The following WFDC11 variants were observed in gnomAD, a reference collection of about 807,000 sequenced individuals.
WFDC11 encodes protein WFDC11.
Under a neutral mutation model 9.9 loss-of-function variants are expected in WFDC11, and 9 were observed. That is an observed-to-expected ratio of 0.91 (90% CI 0.55 to 1.58). The LOEUF (loss-of-function observed/expected upper bound fraction) is 1.58. Among genes scored for constraint, WFDC11 ranks in the 40% most tolerant of loss-of-function variants. The probability of loss-of-function intolerance (pLI) is 0.00; values close to 1 mark genes in which losing one functional copy is unlikely to be tolerated. For synonymous variants in WFDC11, 32 were observed against 33.3 expected (o/e 0.96, Z 0.13); for missense variants, 106 against 101.7 (o/e 1.04, Z -0.18).
chr20:45,656,608 C>T (rs1982938364), intron 2 of WFDC11, among the ~76,000 whole-genome samples: 1 of 151,690 alleles, frequency 6.6e-6, no homozygotes, highest in African/African-American at 2.4e-5. Context: ...ATCTAAAGAG[C>T]TTCTGCACAG....
At chr20:45,653,403 T>A (rs1057162174) in intron 2 of WFDC11, among the ~76,000 whole-genome samples, 1 of 152,044 alleles carries the variant, frequency 6.6e-6, no homozygotes, top group African/African-American at 2.4e-5. Flanking sequence ...CCACCAGGCC[T>A]GCCCTACAAG....
intron 2 of WFDC11, among the ~76,000 whole-genome samples, chr20:45,653,757 C>CA (rs1568661607): frequency 6.6e-6 from 1 of 151,736 alleles, no homozygotes; most frequent in African/African-American, 2.4e-5. Flanking sequence ...AAATGGAAAA[C>CA]AAAAAAAGTC....
At chr20:45,667,896 T>C (rs1983219491) in intron 1 of WFDC11, among the ~76,000 whole-genome samples, 1 of 152,226 alleles carries the variant, frequency 6.6e-6, no homozygotes, top group Non-Finnish European at 1.5e-5. Flanking sequence ...GTGTTCAGAA[T>C]CACCCAGTTG....
At chr20:45,649,148 TG>T (rs1326740819) in intron 4 of WFDC11, 108 bp downstream of exon 4, 5 of 1,336,246 alleles carry the variant, frequency 3.7e-6, no homozygotes, top group Non-Finnish European at 5.2e-6. Flanking sequence ...CTGTTATTTT[TG>T]TACCTAGAAT....
chr20:45,656,165 G>GC (rs1319352564), intron 2 of WFDC11, among the ~76,000 whole-genome samples: 1 of 151,956 alleles, frequency 6.6e-6, no homozygotes, highest in African/African-American at 2.4e-5. Context: ...GAGGCATCAC[G>GC]TTACCTGACT....
At chr20:45,658,856 T>G (rs1376014231) in intron 2 of WFDC11, among the ~76,000 whole-genome samples, 2 of 152,194 alleles carry the variant, frequency 1.3e-5, no homozygotes, top group African/African-American at 4.8e-5. Context: ...TTTCTCCTAA[T>G]GCTATCCCTC....
chr20:45,665,062 T>C (rs1983158870), intron 2 of WFDC11, among the ~76,000 whole-genome samples: 1 of 152,194 alleles, frequency 6.6e-6, no homozygotes, highest in Non-Finnish European at 1.5e-5. Flanking sequence ...CAATCAAATG[T>C]AGCTTTGGTT....
At chr20:45,663,327 G>C (rs1377739529) in intron 2 of WFDC11, among the ~76,000 whole-genome samples, 1 of 150,870 alleles carries the variant, frequency 6.6e-6, no homozygotes. Context: ...TTCTTTATTT[G>C]TCGCAATGCT....
chr20:45,658,541 T>G (rs1460844567), intron 2 of WFDC11, among the ~76,000 whole-genome samples: 1 of 152,118 alleles, frequency 6.6e-6, no homozygotes, highest in Non-Finnish European at 1.5e-5. Flanking sequence ...GTGGTGTCAG[T>G]TGTAATATCT....
At chr20:45,662,047 T>A (rs1983080763) in intron 2 of WFDC11, among the ~76,000 whole-genome samples, 1 of 152,188 alleles carries the variant, frequency 6.6e-6, no homozygotes, top group South Asian at 2.1e-4. Context: ...TTCCTAGCCA[T>A]GAGCATGGAA....
chr20:45,655,527 C>G (rs1982909575), intron 2 of WFDC11, among the ~76,000 whole-genome samples: 1 of 152,144 alleles, frequency 6.6e-6, no homozygotes. Context: ...TGGCACAAGA[C>G]AGGAATGCCC....
chr20:45,652,374 T>A (rs1039466916), intron 2 of WFDC11, among the ~76,000 whole-genome samples: 21 of 152,228 alleles, frequency 1.4e-4, no homozygotes, highest in Admixed American at 1.1e-3. Flanking sequence ...CTGAGGGTCC[T>A]GACTGTTAGA....
At chr20:45,665,417 T>C (rs530585605) in intron 2 of WFDC11, among the ~76,000 whole-genome samples, 72 of 152,352 alleles carry the variant, frequency 4.7e-4, no homozygotes, top group African/African-American at 1.7e-3. Context: ...CCTACTTCTG[T>C]CAACTCATCA....
chr20:45,653,459 A>T (rs1600936882), intron 2 of WFDC11, among the ~76,000 whole-genome samples: 1 of 152,200 alleles, frequency 6.6e-6, no homozygotes, highest in Non-Finnish European at 1.5e-5. Flanking sequence ...AACAATTGGT[A>T]CCAGCCACTT....
chr20:45,651,111 T>C (rs1294371638), intron 2 of WFDC11, among the ~76,000 whole-genome samples: 1 of 152,206 alleles, frequency 6.6e-6, no homozygotes, highest in South Asian at 2.1e-4. Flanking sequence ...TGTTCCTTCT[T>C]TGTATTCATG....
rs566280934 is a variant in WFDC11 at position 45,669,087 on chromosome 20, C to T, written c.-134+1091G>A. ...CATTCAGAGGATTCAGATGGTAGGT[C>T]GGAGGAGCCAGCAGGCTATTGACTA... On this transcript the variant is annotated intron_variant, in intron 1 of 4. Transcript: ENST00000324384. 1.1e-4 allele frequency among the ~76,000 whole-genome samples: 16 copies of T among 152,214 alleles called. No individual in the cohort carries two copies. In the East Asian group the frequency reaches 2.7e-3, roughly 26 times the overall value.
chr20:45,656,095 T>C (rs556215781), intron 2 of WFDC11, among the ~76,000 whole-genome samples: 2 of 152,058 alleles, frequency 1.3e-5, no homozygotes, highest in East Asian at 3.9e-4. Context: ...TTAAAGTTCA[T>C]ATGGAACCAA....
chr20:45,648,839 G>A, intron 4 of WFDC11, 100 bp from the exon 5 acceptor site: 2 of 1,247,928 alleles, frequency 1.6e-6, no homozygotes, highest in South Asian at 1.3e-5. Context: ...CAGACAATGG[G>A]ACAAGAATAC....
intron 2 of WFDC11, among the ~76,000 whole-genome samples, chr20:45,656,422 T>C (rs1013538258): frequency 9.8e-5 from 15 of 152,294 alleles, no homozygotes; most frequent in African/African-American, 3.1e-4. Flanking sequence ...TTACACCTTA[T>C]ACAAAAATTA....
Sources: gnomAD v4.1 joint callset for allele counts (sites outside exome capture counted in the v4.1 genomes callset) on GRCh38, gnomAD v4.1.1 for gene constraint, MANE v1.5 for transcripts, NCBI Gene and HGNC (gene_info 2026-07-23, HGNC 2026-07-21) for gene names.